Variants in COLEC10 observed in about 807,000 individuals in gnomAD.
COLEC10 encodes collectin subfamily member 10.
A neutral mutation model predicts 28.4 loss-of-function variants in COLEC10; 22 were observed. The ratio of observed to expected loss-of-function variants is 0.78; its 90% CI spans 0.55 to 1.11. The LOEUF (loss-of-function observed/expected upper bound fraction) is 1.11. Among genes scored for constraint, COLEC10 ranks in the 50% least tolerant of loss-of-function variants. COLEC10 has a pLI of 0.00. For synonymous variants in COLEC10, 125 were observed against 116.1 expected (o/e 1.08, Z -0.49); for missense variants, 361 against 344.1 (o/e 1.05, Z -0.39).
At chr8:119,049,220 T>C (rs963665989) in intron 2 of COLEC10, among the ~76,000 whole-genome samples, 14 of 151,952 alleles carry the variant, frequency 9.2e-5, no homozygotes, top group African/African-American at 2.9e-4. Context: ...TCCTAACGGG[T>C]TTCCCTCTGT....
intron 1 of COLEC10, among the ~76,000 whole-genome samples, chr8:119,005,411 T>G (rs1813776369): frequency 6.6e-6 from 1 of 152,124 alleles, no homozygotes; most frequent in Non-Finnish European, 1.5e-5. Flanking sequence ...AGTTTTTCTT[T>G]CCCCAGGGCT....
intron 2 of COLEC10, among the ~76,000 whole-genome samples, chr8:119,026,944 G>C (rs1393125688): frequency 6.6e-6 from 1 of 152,146 alleles, no homozygotes; most frequent in African/African-American, 2.4e-5. Flanking sequence ...GCTGATTGCT[G>C]GGGGCTGAAG....
At chr8:118,976,353 C>T in the COLEC10 span, among the ~76,000 whole-genome samples, 2 of 152,020 alleles carry the variant, frequency 1.3e-5, no homozygotes, top group East Asian at 3.9e-4. Flanking sequence ...GTTGGGTTGA[C>T]ATATGTGTTT....
intron 2 of COLEC10, among the ~76,000 whole-genome samples, chr8:119,044,091 G>C (rs1035353864): frequency 6.6e-6 from 1 of 152,230 alleles, no homozygotes; most frequent in Admixed American, 6.5e-5. Flanking sequence ...GAGAGACCAC[G>C]TGTCCTGTTG....
chr8:119,073,678 A>C (rs1263869901), intron 1 of COLEC10, among the ~76,000 whole-genome samples: 1 of 152,092 alleles, frequency 6.6e-6, no homozygotes, highest in Non-Finnish European at 1.5e-5. Flanking sequence ...AGGAAGAATA[A>C]AATTCCAGTC....
At chr8:118,960,790 A>G in the COLEC10 span, among the ~76,000 whole-genome samples, 4 of 142,578 alleles carry the variant, frequency 2.8e-5, no homozygotes, top group African/African-American at 1.2e-4. Flanking sequence ...TCTGTGAAAA[A>G]AAAAAAAAAA....
At chr8:119,105,255 A>C (rs1815913868) in intron 5 of COLEC10, among the ~76,000 whole-genome samples, 2 of 152,150 alleles carry the variant, frequency 1.3e-5, no homozygotes, top group African/African-American at 4.8e-5. Flanking sequence ...GATGAGACTA[A>C]AATGTGTTGA....
chr8:119,005,718 T>A (rs1435694229), intron 1 of COLEC10, among the ~76,000 whole-genome samples: 1 of 152,126 alleles, frequency 6.6e-6, no homozygotes, highest in African/African-American at 2.4e-5. Context: ...TAAAGCTAGA[T>A]TACTCATAGA....
chr8:119,075,353 A>G (rs1815206378), intron 1 of COLEC10, among the ~76,000 whole-genome samples: 1 of 152,352 alleles, frequency 6.6e-6, no homozygotes, highest in Non-Finnish European at 1.5e-5. Context: ...GCAATAGCCT[A>G]TCATTTAATA....
At chr8:119,004,685 T>A (rs1813758524) in intron 1 of COLEC10, among the ~76,000 whole-genome samples, 2 of 151,688 alleles carry the variant, frequency 1.3e-5, no homozygotes, top group Non-Finnish European at 2.9e-5. Context: ...GCATTGTATA[T>A]CTCATGCTTC....
intron 2 of COLEC10, among the ~76,000 whole-genome samples, chr8:119,033,212 A>G (rs1181896055): frequency 6.6e-6 from 1 of 151,076 alleles, no homozygotes; most frequent in African/African-American, 2.4e-5. Flanking sequence ...GATTTCAGCC[A>G]CAGGCAAGTT....
At chr8:118,974,858 A>C in the COLEC10 span, among the ~76,000 whole-genome samples, 1 of 152,080 alleles carries the variant, frequency 6.6e-6, no homozygotes, top group East Asian at 1.9e-4. Flanking sequence ...CACTAATTGC[A>C]GGTCTTTCAA....
At chr8:119,064,462 T>A (rs951465823), upstream of COLEC10, among the ~76,000 whole-genome samples, 2 of 152,216 alleles carry the variant, frequency 1.3e-5, no homozygotes, top group African/African-American at 4.8e-5. Context: ...TAGGGTAGTC[T>A]AAACAATTTA....
intron 3 of COLEC10, among the ~76,000 whole-genome samples, chr8:119,097,510 G>A (rs1038038840): frequency 6.6e-6 from 1 of 151,908 alleles, no homozygotes; most frequent in African/African-American, 2.4e-5. Context: ...ATGTGCAATT[G>A]ACCTACTTTT....
At chr8:118,991,342 G>T (rs1369791543), upstream of COLEC10, among the ~76,000 whole-genome samples, 2 of 152,110 alleles carry the variant, frequency 1.3e-5, no homozygotes, top group Non-Finnish European at 2.9e-5. Context: ...TCATCAAGTT[G>T]CTGTGAAGAT....
chr8:119,002,510 C>T (rs565187949), intron 1 of COLEC10, among the ~76,000 whole-genome samples: 1 of 152,082 alleles, frequency 6.6e-6, no homozygotes, highest in Non-Finnish European at 1.5e-5. Context: ...AGAAATTGAA[C>T]AACTCTGGAT....
intron 2 of COLEC10, among the ~76,000 whole-genome samples, chr8:119,015,899 A>G (rs911845179): frequency 2.6e-5 from 4 of 152,222 alleles, no homozygotes; most frequent in Non-Finnish European, 5.9e-5. Flanking sequence ...TGCTGGTTCT[A>G]ATAAAGGTAG....
chr8:118,974,465 A>G, the COLEC10 span, among the ~76,000 whole-genome samples: 5 of 152,010 alleles, frequency 3.3e-5, no homozygotes, highest in Non-Finnish European at 5.9e-5. Flanking sequence ...CTTAATTAAG[A>G]TAAGAATTCC....
At chr8:118,959,701 T>G in the COLEC10 span, among the ~76,000 whole-genome samples, 1 of 152,206 alleles carries the variant, frequency 6.6e-6, no homozygotes, top group Admixed American at 6.5e-5. Context: ...TACATGAAAC[T>G]ATAAACTAGT....
Sources: allele counts gnomAD v4.1 joint callset (sites outside exome capture counted in the v4.1 genomes callset), GRCh38; gene constraint gnomAD v4.1.1; transcripts MANE v1.5; gene names NCBI Gene and HGNC (gene_info 2026-07-23, HGNC 2026-07-21).